Variants in STX8 observed in about 807,000 individuals in gnomAD.
The protein encoded by STX8 is syntaxin 8.
A neutral mutation model predicts 37.5 loss-of-function variants in STX8; 23 were observed. That is an observed-to-expected ratio of 0.61 (90% confidence interval 0.44 to 0.87). STX8 has a LOEUF of 0.87. Ranked by LOEUF, STX8 falls within the 40% of genes least tolerant of loss-of-function variation. The probability of loss-of-function intolerance (pLI) is 0.00; values close to 1 mark genes in which losing one functional copy is unlikely to be tolerated. For synonymous variants in STX8, 115 were observed against 99.1 expected (o/e 1.16, Z -0.95); for missense variants, 313 against 284.7 (o/e 1.10, Z -0.71).
Position 9,468,433 on chromosome 17 carries a change from T to C in STX8, c.541+23396A>G, listed in dbSNP as rs556841569. Among the ~76,000 whole-genome samples, 5 of 152,290 alleles carry C rather than the reference T, an allele frequency of 3.3e-5. No individual in the cohort carries two copies. The East Asian group carries it at 9.6e-4, about 29-fold the overall frequency. ...CAATATAGTGGTTTTATCTCAAGGA[T>C]TAATAAACATCTTACGAAAATGTTA... is the stretch of plus-strand genomic sequence containing the variant. On this transcript the variant is annotated intron_variant, in intron 6 of 7. Transcript: ENST00000306357.
intron 6 of STX8, among the ~76,000 whole-genome samples, chr17:9,451,216 G>C (rs1239418309): frequency 6.6e-6 from 1 of 152,102 alleles, no homozygotes; most frequent in Non-Finnish European, 1.5e-5. Flanking sequence ...CTTCAAGCTA[G>C]ACTTGGAGTG....
At chr17:9,295,400 T>G (rs755856844) in intron 7 of STX8, among the ~76,000 whole-genome samples, 1 of 152,206 alleles carries the variant, frequency 6.6e-6, no homozygotes, top group Non-Finnish European at 1.5e-5. Context: ...CATTCAATAA[T>G]TGTTTATAGA....
chr17:9,327,201 G>A (rs1384478080), intron 7 of STX8, among the ~76,000 whole-genome samples: 3 of 147,884 alleles, frequency 2.0e-5, no homozygotes, highest in Non-Finnish European at 3.0e-5. Flanking sequence ...AAGGAAGAAG[G>A]AAGAAGGAGG....
chr17:9,290,077 T>A (rs568883766), intron 7 of STX8, among the ~76,000 whole-genome samples: 18 of 152,166 alleles, frequency 1.2e-4, no homozygotes, highest in African/African-American at 4.3e-4. Flanking sequence ...TGCAAGCAAA[T>A]CGAGTCATGT....
intron 6 of STX8, among the ~76,000 whole-genome samples, chr17:9,419,227 C>A (rs910161196): frequency 2.6e-5 from 4 of 151,666 alleles, no homozygotes; most frequent in Admixed American, 1.3e-4. Flanking sequence ...ATGCCCAGTT[C>A]GTTATTTTAT....
At chr17:9,492,181 ATACT>A (rs1413001311) in intron 5 of STX8, among the ~76,000 whole-genome samples, 1 of 152,218 alleles carries the variant, frequency 6.6e-6, no homozygotes, top group Non-Finnish European at 1.5e-5. Context: ...AAACTTTCTG[ATACT>A]TAATATATAA....
At chr17:9,492,213 A>G (rs1368876515) in intron 5 of STX8, among the ~76,000 whole-genome samples, 2 of 152,230 alleles carry the variant, frequency 1.3e-5, no homozygotes. Context: ...GTACAAATCA[A>G]TAAGAAAAAG....
intron 3 of STX8, among the ~76,000 whole-genome samples, chr17:9,556,721 T>C (rs1906976387): frequency 1.4e-5 from 2 of 146,510 alleles, no homozygotes; most frequent in South Asian, 4.3e-4. Flanking sequence ...CGTGAACCAT[T>C]GCACCTGGCC....
intron 6 of STX8, among the ~76,000 whole-genome samples, chr17:9,479,431 G>A (rs1431572147): frequency 1.3e-5 from 2 of 151,824 alleles, no homozygotes; most frequent in East Asian, 3.9e-4. Flanking sequence ...CTACTTGGGA[G>A]TCTGAGGTAG....
intron 7 of STX8, among the ~76,000 whole-genome samples, chr17:9,366,859 C>A (rs1819363425): frequency 6.6e-6 from 1 of 152,120 alleles, no homozygotes; most frequent in Non-Finnish European, 1.5e-5. Flanking sequence ...AAGGAATGAG[C>A]AACTGATGTG....
intron 7 of STX8, among the ~76,000 whole-genome samples, chr17:9,313,105 C>T (rs148417125): frequency 8.5e-5 from 13 of 152,226 alleles, no homozygotes; most frequent in African/African-American, 3.1e-4. Context: ...ACAGGAGAAT[C>T]ACTTCAATCT....
intron 7 of STX8, among the ~76,000 whole-genome samples, chr17:9,358,889 C>G (rs1258701503): frequency 2.0e-5 from 3 of 152,146 alleles, no homozygotes; most frequent in Admixed American, 1.3e-4. Context: ...CCCAATACCC[C>G]AGGGCAGGAG....
chr17:9,302,285 T>A (rs192543117), intron 7 of STX8, among the ~76,000 whole-genome samples: 1 of 151,974 alleles, frequency 6.6e-6, no homozygotes, highest in Admixed American at 6.6e-5. Flanking sequence ...GGTGGTTTTG[T>A]TTTTTTTCTT....
At chr17:9,445,933 G>T (rs60623567) in intron 6 of STX8, among the ~76,000 whole-genome samples, 29,682 of 150,310 alleles carry the variant, frequency 0.2, 3,630 homozygotes, top group East Asian at 0.58. Flanking sequence ...TGCCTCCCGG[G>T]TTCACGCCAT....
intron 7 of STX8, among the ~76,000 whole-genome samples, chr17:9,260,627 AAAACAAACAAAC>A (rs142433582): frequency 7.2e-6 from 1 of 139,058 alleles, no homozygotes; most frequent in African/African-American, 3.0e-5. Context: ...CCGTCTCAGA[AAAACAAACAAAC>A]AAACAAACAA....
chr17:9,310,428 A>T (rs1909153068), intron 7 of STX8, among the ~76,000 whole-genome samples: 1 of 152,190 alleles, frequency 6.6e-6, no homozygotes, highest in Non-Finnish European at 1.5e-5. Context: ...TTATAAATAG[A>T]CTATTCACTA....
chr17:9,397,967 G>A (rs1295005497), intron 6 of STX8, among the ~76,000 whole-genome samples: 1 of 136,328 alleles, frequency 7.3e-6, no homozygotes, highest in South Asian at 2.5e-4. Flanking sequence ...CAGCCTGGGG[G>A]ACAGAGTGAG....
At chr17:9,537,568 G>A (rs988345322) in intron 4 of STX8, among the ~76,000 whole-genome samples, 14 of 14,936 alleles carry the variant, frequency 9.4e-4, no homozygotes, top group Non-Finnish European at 2.1e-3. Flanking sequence ...AGTCTATCAC[G>A]TCCTGGCTCA....
At chr17:9,545,962 T>A (rs1906492544) in intron 3 of STX8, among the ~76,000 whole-genome samples, 1 of 152,202 alleles carries the variant, frequency 6.6e-6, no homozygotes. Flanking sequence ...GTTATATGTG[T>A]GTGTCAGTGT....
Sources: gnomAD v4.1 joint callset for allele counts (sites outside exome capture counted in the v4.1 genomes callset) on GRCh38, gnomAD v4.1.1 for gene constraint, MANE v1.5 for transcripts, NCBI Gene and HGNC (gene_info 2026-07-23, HGNC 2026-07-21) for gene names.